The following ZBTB21 variants were observed in gnomAD, a reference collection of about 807,000 sequenced individuals.
ZBTB21 encodes zinc finger and BTB domain-containing protein 21.
In ZBTB21, 10 loss-of-function variants were observed where a neutral mutation model predicts 39.8. That is an observed-to-expected ratio of 0.25 (90% confidence interval 0.16 to 0.43). ZBTB21 has a LOEUF of 0.43. ZBTB21 is among the 20% of genes least tolerant of loss of function. The pLI, the probability that ZBTB21 is intolerant of heterozygous loss-of-function variation, is 1.00. For missense variants in ZBTB21, 1,221 were observed against 1,296.3 expected, an observed-to-expected ratio of 0.94 and a Z score of 0.89; for synonymous variants, 551 against 498.8, an observed-to-expected ratio of 1.10 and a Z score of -1.40.
At position 41,993,371 on chromosome 21, in the gene ZBTB21, G is replaced by A; in HGVS notation, c.725C>T (p.Pro242Leu). Reference protein sequence around the residue: ...ISLVKRNAVLPSKPLQDREAM... With the variant: ...ISLVKRNAVLLSKPLQDREAM... ...TTCTCTGTCTTGCAGAGGCTTTGAA[G>A]GCAACACTGCATTTCTTTTCACCAA... is the stretch of plus-strand genomic sequence containing the variant. The change falls in exon 3 of 3, where the codon CCT becomes CTT. Residue 242 changes from proline to leucine, a missense_variant. By Grantham distance (98) the Pro-to-Leu change is moderately conservative. Around this residue, in one of 4 missense-constraint regions of ZBTB21, gnomAD observed 500 missense variants for 465.6 expected, o/e 1.07. Transcript: ENST00000310826. 2.5e-6 allele frequency: 4 copies of A among 1,614,072 alleles called. No individual in the cohort carries two copies. Among genetic ancestry groups the A allele is most frequent in the Non-Finnish European group, 3.4e-6 (4 of 1,180,000 alleles).
chr21:42,001,346 A>T (rs936379516), intron 2 of ZBTB21, among the ~76,000 whole-genome samples: 24 of 152,268 alleles, frequency 1.6e-4, no homozygotes, highest in Non-Finnish European at 1.0e-4. Flanking sequence ...TCACCCAGAC[A>T]ATTATAGACT....
rs995504957 is a variant in ZBTB21, at chr21:41,991,793, C to G, written c.2303G>C (p.Ser768Thr). 1.2e-6 allele frequency: 2 copies of G among 1,614,134 alleles called. No homozygotes were observed. Among genetic ancestry groups the G allele is most frequent in the African/African-American group, 2.7e-5 (2 of 74,946 alleles). Reference protein sequence around the residue: ...FSPELKQEHESKCEYKKLTCL... With the variant: ...FSPELKQEHETKCEYKKLTCL... The stretch of plus-strand genomic sequence containing the variant: ...GGTCAGCTTCTTATACTCACACTTG[C>G]TCTCGTGTTCTTGCTTCAGCTCGGG... Residue 768 changes from serine to threonine, a missense_variant, in exon 3 of 3, where the codon AGC becomes ACC. Ser to Thr is a moderately conservative substitution (Grantham distance 58, BLOSUM62 1). This residue lies in a region of ZBTB21 where 523 missense variants were observed against 542.5 expected (regional missense o/e 0.96). Transcript: ENST00000310826. The surrounding 1 kb of genome is among the most constrained non-coding windows in gnomAD (Gnocchi z 4.9).
rs749050680 is a variant in ZBTB21, at chr21:41,990,985, G to T, written c.3111C>A (p.Ile1037=). The T allele has an allele frequency of 2.0e-6, 3 of 1,538,282 alleles. No homozygotes were observed. The highest frequency in any genetic ancestry group is 2.6e-6 in the Non-Finnish European group (3 of 1,145,680). Residue 1037 remains isoleucine (I), a synonymous_variant, in exon 3 of 3, where the codon ATC becomes ATA. Transcript: ENST00000310826. ...TACACATAAACTGTCTTTTAAATGT[G>T]ATTGCTGAAAGGGGTGGGGCATGGT... ...LFYHAPPLSA[I]TFKRQFMCKL... is the part of the protein sequence containing the mutation.
intron 2 of ZBTB21, among the ~76,000 whole-genome samples, chr21:41,999,838 C>T (rs1315955101): frequency 2.6e-5 from 4 of 152,140 alleles, no homozygotes; most frequent in Non-Finnish European, 4.4e-5. Flanking sequence ...GAAGTAAGAC[C>T]GTCTAGGGCT....
At position 41,992,075 on chromosome 21, in the gene ZBTB21, T is replaced by G; in HGVS notation, c.2021A>C (p.Tyr674Ser). 6.2e-7 allele frequency: 1 copy of G among 1,614,218 alleles called. No homozygotes were observed. The highest frequency in any genetic ancestry group is 8.5e-7 in the Non-Finnish European group (1 of 1,180,048). Residue 674 changes from tyrosine to serine, a missense_variant, in exon 3 of 3, where the codon TAC (tyrosine) becomes TCC (serine). Around this residue, in one of 4 missense-constraint regions of ZBTB21, gnomAD observed 523 missense variants for 542.5 expected, o/e 0.96. Transcript: ENST00000310826. The surrounding 1 kb of genome is among the most constrained non-coding windows in gnomAD (Gnocchi z 4.1). ...SRAKGAYICT[Y>S]CGKAYRFLSQ... ...GAGAAAGCGGTACGCTTTTCCGCAG[T>G]AAGTACAAATGTAAGCTCCTTTGGC...
rs983442942 is a variant in ZBTB21, at chr21:41,992,701, G to T, written c.1395C>A (p.Asp465Glu). 6.2e-7 allele frequency: 1 copy of T among 1,614,184 alleles called. No homozygotes were observed. Among genetic ancestry groups the T allele is most frequent in the Middle Eastern group, 1.6e-4 (1 of 6,062 alleles). Reference protein sequence around the residue: ...AAASSSSVTRDLSLKTEDDQK... With the variant: ...AAASSSSVTRELSLKTEDDQK... The stretch of plus-strand genomic sequence containing the variant: ...GGTCATCTTCTGTTTTCAGAGACAG[G>T]TCTCTTGTGACCGACGAAGATGAGG... Residue 465 changes from aspartate (D) to glutamate (E), a missense_variant, in exon 3 of 3, where the codon GAC becomes GAA. Around this residue, in one of 4 missense-constraint regions of ZBTB21, gnomAD observed 500 missense variants for 465.6 expected, o/e 1.07. Coordinates refer to ENST00000310826, the MANE Select transcript of ZBTB21 (RefSeq NM_001098402.2). This position sits in a 1 kb window ranked among gnomAD's most constrained non-coding sequence, Gnocchi z 4.1.
chr21:42,004,488 CA>C (rs985872910), intron 1 of ZBTB21, among the ~76,000 whole-genome samples: 10 of 151,924 alleles, frequency 6.6e-5, no homozygotes, highest in Admixed American at 5.2e-4. Flanking sequence ...AGAAGGGTAC[CA>C]GGGGGTGAGT....
intron 1 of ZBTB21, among the ~76,000 whole-genome samples, chr21:42,008,245 C>T (rs1451227676): frequency 2.0e-5 from 3 of 149,138 alleles, no homozygotes; most frequent in Non-Finnish European, 3.0e-5. Flanking sequence ...GTGGCTCATG[C>T]CTGTAATCCC....
At chr21:42,006,592 C>A (rs1452920684) in intron 1 of ZBTB21, among the ~76,000 whole-genome samples, 2 of 152,130 alleles carry the variant, frequency 1.3e-5, no homozygotes, top group African/African-American at 4.8e-5. Flanking sequence ...CAGCACACTA[C>A]TCAGAATATT....
rs200936908 is a variant in ZBTB21, at chr21:41,993,277, C to G, written c.819G>C (p.Lys273Asn). 1.9e-6 allele frequency: 3 copies of G among 1,612,626 alleles called. No homozygotes were observed. Among genetic ancestry groups the G allele is most frequent in the Non-Finnish European group, 2.5e-6 (3 of 1,180,020 alleles). The change falls in exon 3 of 3, where the codon AAG (lysine) becomes AAC (asparagine). Residue 273 changes from lysine to asparagine, a missense_variant. Lys to Asn is a moderately conservative substitution (Grantham distance 94). Coordinates refer to ENST00000310826, the MANE Select transcript of ZBTB21 (RefSeq NM_001098402.2). ...PKGKALELAL[K>N]RPRPPVLSVC... is the part of the protein sequence containing the mutation. ...CAGACAAAACAGGTGGCCGTGGTCT[C>G]TTCAAAGCCAGCTCTAGAGCTTTTC...
In ZBTB21 at chr21:41,992,649, T is replaced by C. The variant is rs199629325; in HGVS notation, c.1447A>G (p.Lys483Glu). 3.1e-6 allele frequency: 5 copies of C among 1,614,122 alleles called. No individual in the cohort carries two copies. Among genetic ancestry groups the C allele is most frequent in the East Asian group, 2.2e-5 (1 of 44,876 alleles). The change falls in exon 3 of 3, where the codon AAA becomes GAA. Residue 483 changes from lysine to glutamate, a missense_variant. Coordinates refer to ENST00000310826, the MANE Select transcript of ZBTB21 (RefSeq NM_001098402.2). The surrounding 1 kb of genome is among the most constrained non-coding windows in gnomAD (Gnocchi z 4.1). ...CTTCGGTCCGCTTGGAACCTCCTTTTTGCTGGGAGTCTGCTCATGTCTTTT... is the reference window on the plus strand; with the variant it reads ...CTTCGGTCCGCTTGGAACCTCCTTTCTGCTGGGAGTCTGCTCATGTCTTTT... ...DQKDMSRLPA[K>E]RRFQADRRLP...
At position 41,991,609 on chromosome 21, in the gene ZBTB21, C is replaced by A. The variant is rs2065657458; in HGVS notation, c.2487G>T (p.Gln829His). 3 of 1,613,986 alleles carry A rather than the reference C, an allele frequency of 1.9e-6. No individual in the cohort carries two copies. The highest frequency in any genetic ancestry group is 2.5e-6 in the Non-Finnish European group (3 of 1,180,016). Residue 829 changes from glutamine (Q) to histidine (H), a missense_variant, in exon 3 of 3, where the codon CAG becomes CAT. Physicochemically the swap from Gln to His is conservative, Grantham distance 24. Coordinates refer to ENST00000310826, the MANE Select transcript of ZBTB21 (RefSeq NM_001098402.2). This position sits in a 1 kb window ranked among gnomAD's most constrained non-coding sequence, Gnocchi z 4.9. The stretch of plus-strand genomic sequence containing the variant: ...TGTGGTTTACTTTGTTGGGCTCAGG[C>A]TGGGATTGGGGCCTTGAAGAACCAG... Reference protein sequence around the residue: ...DVTGSSRPQSQPEPNKVNHIV... With the variant: ...DVTGSSRPQSHPEPNKVNHIV...
chr21:42,009,363 G>C (rs2146361253), intron 1 of ZBTB21: 1 of 152,392 alleles, frequency 6.6e-6, no homozygotes, highest in African/African-American at 2.4e-5. Flanking sequence ...TGGACTACGG[G>C]GCGTGTTCCC....
At chr21:41,994,246 G>T in intron 2 of ZBTB21, 138 bp from the exon 3 acceptor site, 4 of 631,448 alleles carry the variant, frequency 6.3e-6, no homozygotes, top group East Asian at 6.0e-5. Context: ...CTCTATGAAT[G>T]AACAATCTTA....
At chr21:42,005,116 T>C (rs1353908786) in intron 1 of ZBTB21, among the ~76,000 whole-genome samples, 1 of 152,250 alleles carries the variant, frequency 6.6e-6, no homozygotes, top group Non-Finnish European at 1.5e-5. Context: ...AGAATGATCC[T>C]ACTCCAACAT....
intron 2 of ZBTB21, among the ~76,000 whole-genome samples, chr21:41,996,027 A>C (rs2065741808): frequency 6.6e-6 from 1 of 152,262 alleles, no homozygotes; most frequent in African/African-American, 2.4e-5. Flanking sequence ...TCCAGGAAGA[A>C]GTCTGCTGCA....
Position 41,993,883 on chromosome 21 carries a change from C to T in ZBTB21, c.213G>A (p.Gln71=). ...AAGCATCTGGCTCACAGAAGTCAAG[C>T]TGAAATACAGTTTGTGACTCATTTT... ...NKENESQTVF[Q]LDFCEPDAFD... Residue 71 remains glutamine (Q), a synonymous_variant, in exon 3 of 3, where the codon CAG becomes CAA. Transcript: ENST00000310826. 1 of 1,613,908 alleles carries T rather than the reference C, an allele frequency of 6.2e-7. No individual in the cohort carries two copies. The highest frequency in any genetic ancestry group is 1.7e-4 in the Middle Eastern group (1 of 6,060).
At chr21:42,005,687 A>C (rs1370623603) in intron 1 of ZBTB21, among the ~76,000 whole-genome samples, 1 of 152,226 alleles carries the variant, frequency 6.6e-6, no homozygotes, top group Non-Finnish European at 1.5e-5. Flanking sequence ...TTCTTAGAAC[A>C]AAGCTTTGAT....
intron 1 of ZBTB21, chr21:42,009,076 T>C (rs1279397168): frequency 1.3e-5 from 2 of 152,220 alleles, no homozygotes; most frequent in Non-Finnish European, 2.9e-5. Context: ...CTGGACTATT[T>C]TGTAACACAC....
Sources: gnomAD v4.1 joint callset for allele counts (sites outside exome capture counted in the v4.1 genomes callset) on GRCh38, gnomAD v4.1.1 for gene constraint, gnomAD v4.1.1 regional missense constraint, Gnocchi (gnomAD v3.1) non-coding constraint, MANE v1.5 for transcripts, NCBI Gene and HGNC (gene_info 2026-07-23, HGNC 2026-07-21) for gene names.